NRXN3: variants seen among roughly 807,000 people sequenced by gnomAD.
The protein encoded by NRXN3 is neurexin 3, also known as neurexin III.
Under a neutral mutation model 137.6 loss-of-function variants are expected in NRXN3, and 32 were observed. The ratio of observed to expected loss-of-function variants is 0.23; its 90% CI spans 0.18 to 0.31. The LOEUF (loss-of-function observed/expected upper bound fraction) is 0.31, where lower values mean the gene tolerates loss of function less well. Among genes scored for constraint, NRXN3 ranks in the 10% least tolerant of loss-of-function variants. The pLI is 1.00. For synonymous variants in NRXN3, 798 were observed against 784.5 expected (o/e 1.02, Z -0.29); for missense variants, 1,574 against 2,062.5 (o/e 0.76, Z 4.59).
At chr14:79,295,227 T>C (rs2153465299) in intron 15 of NRXN3, among the ~76,000 whole-genome samples, 1 of 152,224 alleles carries the variant, frequency 6.6e-6, no homozygotes, top group Non-Finnish European at 1.5e-5. Context: ...GTGCCTTTAT[T>C]TGATCAGTTC....
At chr14:78,778,350 A>G (rs1216304348) in intron 8 of NRXN3, among the ~76,000 whole-genome samples, 8 of 152,236 alleles carry the variant, frequency 5.3e-5, no homozygotes, top group Admixed American at 4.6e-4. Context: ...GGTGATAACA[A>G]TAGAATTTCC....
At chr14:79,317,265 G>A (rs951452744) in intron 15 of NRXN3, among the ~76,000 whole-genome samples, 3 of 152,120 alleles carry the variant, frequency 2.0e-5, no homozygotes, top group Non-Finnish European at 2.9e-5. Context: ...GCGGGGCCAA[G>A]ATCTCTCTGG....
chr14:78,980,642 C>T (rs1386951161), intron 14 of NRXN3, among the ~76,000 whole-genome samples: 1 of 152,242 alleles, frequency 6.6e-6, no homozygotes, highest in East Asian at 1.9e-4. Context: ...ATGAGAAGAA[C>T]AATCCCACCA....
Position 78,193,480 on chromosome 14 carries a change from A to C in NRXN3, c.-704+22806A>C, listed in dbSNP as rs377429386. Reference sequence around the variant, plus strand: ...TGGAGGGTAAGGGCCTATGTCTTACAAACAGAATTGGCTCCTTTTACTAAG... The same window carrying C: ...TGGAGGGTAAGGGCCTATGTCTTACCAACAGAATTGGCTCCTTTTACTAAG... On this transcript the variant is annotated intron_variant, in intron 1 of 20. Coordinates refer to ENST00000335750, the MANE Select transcript of NRXN3 (RefSeq NM_001330195.2). 5.9e-5 allele frequency among the ~76,000 whole-genome samples: 9 copies of C among 152,280 alleles called. No homozygotes were observed. In the East Asian group the frequency reaches 1.7e-3, roughly 29 times the overall value.
chr14:79,097,973 C>T lies in NRXN3; in HGVS notation c.3262+109832C>T, dbSNP rs532861010. Among the ~76,000 whole-genome samples the T allele has an allele frequency of 2.0e-5, 3 of 152,240 alleles. No homozygotes were observed. The South Asian group carries it at 6.2e-4, about 32-fold the overall frequency. ...GCTTATATTAGTCTCCTACAGCTGC[C>T]TCTCGGGAAGGGATACCCCAACAAA... On this transcript the variant is annotated intron_variant, in intron 15 of 20. Transcript: ENST00000335750.
chr14:79,089,563 T>A (rs958488536), intron 15 of NRXN3, among the ~76,000 whole-genome samples: 7 of 152,184 alleles, frequency 4.6e-5, no homozygotes, highest in Admixed American at 2.0e-4. Flanking sequence ...CGTTTGCTTT[T>A]TTACCTTCTG....
At chr14:79,470,432 A>G (rs528536754) in intron 16 of NRXN3, among the ~76,000 whole-genome samples, 34 of 152,124 alleles carry the variant, frequency 2.2e-4, no homozygotes, top group Non-Finnish European at 4.1e-4. Context: ...GAGGAACCCC[A>G]TGTTTTCACA....
At chr14:79,780,821 T>TAG (rs2099111413) in intron 19 of NRXN3, among the ~76,000 whole-genome samples, 1 of 152,334 alleles carries the variant, frequency 6.6e-6, no homozygotes, top group Non-Finnish European at 1.5e-5. Flanking sequence ...CCATCGTAGT[T>TAG]ACTAGACTTC....
intron 4 of NRXN3, among the ~76,000 whole-genome samples, chr14:78,644,689 C>G (rs1319763615): frequency 2.6e-5 from 4 of 152,040 alleles, no homozygotes; most frequent in Non-Finnish European, 1.5e-5. Context: ...AGTTATTGGT[C>G]AATAAAAGCT....
At chr14:79,460,808 T>C (rs1379588959) in intron 15 of NRXN3, among the ~76,000 whole-genome samples, 7 of 152,338 alleles carry the variant, frequency 4.6e-5, no homozygotes, top group Non-Finnish European at 8.8e-5. Context: ...GGCAATGTTG[T>C]CAGTTTCTCA....
At chr14:78,454,565 G>A (rs1369712012) in intron 4 of NRXN3, among the ~76,000 whole-genome samples, 1 of 152,194 alleles carries the variant, frequency 6.6e-6, no homozygotes, top group Non-Finnish European at 1.5e-5. Context: ...CTCCTGAGAG[G>A]TAGGGATTTG....
chr14:78,635,407 T>C (rs555030037), intron 4 of NRXN3, among the ~76,000 whole-genome samples: 72 of 152,340 alleles, frequency 4.7e-4, no homozygotes, highest in Middle Eastern at 6.8e-3. Context: ...TATGTGTGAA[T>C]ATAGTGAGTA....
chr14:78,888,142 G>C (rs1303079357), intron 10 of NRXN3, among the ~76,000 whole-genome samples: 43 of 152,160 alleles, frequency 2.8e-4, no homozygotes, highest in Admixed American at 2.6e-3. Context: ...CAGCTGCCAA[G>C]TTATAGTTCA....
chr14:79,411,987 G>GACTC (rs1244010278), intron 15 of NRXN3, among the ~76,000 whole-genome samples: 1 of 152,068 alleles, frequency 6.6e-6, no homozygotes, highest in Non-Finnish European at 1.5e-5. Context: ...TTTTATCTGT[G>GACTC]ACTCAGACAT....
At chr14:79,318,898 A>G (rs1170469323) in intron 15 of NRXN3, among the ~76,000 whole-genome samples, 1 of 152,174 alleles carries the variant, frequency 6.6e-6, no homozygotes, top group Non-Finnish European at 1.5e-5. Flanking sequence ...TCTAAGTATT[A>G]CTTTCCCTTC....
At chr14:79,628,875 G>T (rs1051689873) in intron 16 of NRXN3, among the ~76,000 whole-genome samples, 3 of 152,260 alleles carry the variant, frequency 2.0e-5, no homozygotes, top group Admixed American at 6.5e-5. Context: ...CTTCACAGTA[G>T]AATGAGTCCC....
chr14:78,807,718 A>C (rs1178910468), intron 9 of NRXN3, among the ~76,000 whole-genome samples: 4 of 148,984 alleles, frequency 2.7e-5, no homozygotes, highest in African/African-American at 9.9e-5. Flanking sequence ...CTGGGCAATA[A>C]AGTGAGATTC....
At chr14:79,751,873 T>C (rs1005767454) in intron 19 of NRXN3, among the ~76,000 whole-genome samples, 4 of 152,040 alleles carry the variant, frequency 2.6e-5, no homozygotes, top group African/African-American at 4.8e-5. Context: ...CTGGATTACA[T>C]TGATTGATTT....
At chr14:79,045,219 C>T (rs768165337) in intron 15 of NRXN3, among the ~76,000 whole-genome samples, 3 of 152,066 alleles carry the variant, frequency 2.0e-5, no homozygotes, top group African/African-American at 7.2e-5. Context: ...CTTTTTCTGG[C>T]GCTACCCACA....
Sources: allele counts gnomAD v4.1 joint callset (sites outside exome capture counted in the v4.1 genomes callset), GRCh38; gene constraint gnomAD v4.1.1; transcripts MANE v1.5; gene names NCBI Gene and HGNC (gene_info 2026-07-23, HGNC 2026-07-21).